The following BMPR1A variants were observed in gnomAD, a reference collection of about 807,000 sequenced individuals.
BMPR1A encodes the protein bone morphogenetic protein receptor type-1A.
A neutral mutation model predicts 66.0 loss-of-function variants in BMPR1A; 7 were observed. That is an observed-to-expected ratio of 0.11 (90% confidence interval 0.06 to 0.20). The LOEUF (loss-of-function observed/expected upper bound fraction) is 0.20. Among genes scored for constraint, BMPR1A ranks in the 10% least tolerant of loss-of-function variants. The probability of loss-of-function intolerance (pLI) is 1.00; values close to 1 mark genes in which losing one functional copy is unlikely to be tolerated. For synonymous variants in BMPR1A, 200 were observed against 229.7 expected, an observed-to-expected ratio of 0.87 and a Z score of 1.17; for missense variants, 408 against 669.1, an observed-to-expected ratio of 0.61 and a Z score of 4.31.
chr10:86,766,849 G>T (rs1449658491), intron 1 of BMPR1A, among the ~76,000 whole-genome samples: 1 of 145,392 alleles, frequency 6.9e-6, no homozygotes, highest in Non-Finnish European at 1.5e-5. Flanking sequence ...TTTGGAGACC[G>T]AGTCTTGCTC....
chr10:86,798,361 C>T (rs1023850393), intron 1 of BMPR1A, among the ~76,000 whole-genome samples: 1 of 152,068 alleles, frequency 6.6e-6, no homozygotes. Context: ...TTATCCTTTC[C>T]ACATTATTTG....
At chr10:86,869,372 G>T (rs867215502) in intron 2 of BMPR1A, among the ~76,000 whole-genome samples, 7 of 150,610 alleles carry the variant, frequency 4.6e-5, no homozygotes, top group Non-Finnish European at 2.9e-5. Flanking sequence ...CAGGAGAATT[G>T]CTTGAACCCA....
chr10:86,809,438 T>C (rs1461135308), intron 1 of BMPR1A, among the ~76,000 whole-genome samples: 1 of 151,836 alleles, frequency 6.6e-6, no homozygotes, highest in African/African-American at 2.4e-5. Context: ...TACAGGTGCG[T>C]GCCATCACAC....
chr10:86,874,935 G>A (rs1842901526), intron 2 of BMPR1A, among the ~76,000 whole-genome samples: 1 of 148,470 alleles, frequency 6.7e-6, no homozygotes. Context: ...ATGCTGGCCA[G>A]GCTGGTCTTG....
intron 11 of BMPR1A, 30 bp from the exon 12 acceptor site, chr10:86,923,346 T>C (rs371518604): frequency 7.4e-6 from 12 of 1,613,774 alleles, no homozygotes; most frequent in Non-Finnish European, 1.0e-5. Flanking sequence ...GCAACCATTT[T>C]TGTGCCCATG....
At chr10:86,913,506 G>A (rs1843521425) in intron 8 of BMPR1A, among the ~76,000 whole-genome samples, 1 of 151,910 alleles carries the variant, frequency 6.6e-6, no homozygotes, top group African/African-American at 2.4e-5. Flanking sequence ...GCCTTCATAG[G>A]CAGACAACAT....
At chr10:86,900,185 G>C in intron 7 of BMPR1A, 59 bp downstream of exon 7, 1 of 1,528,194 alleles carries the variant, frequency 6.5e-7, no homozygotes, top group Middle Eastern at 1.7e-4. Flanking sequence ...GTCAACCGCT[G>C]TTTGTAAAGC....
chr10:86,843,404 A>G (rs1189726011), intron 2 of BMPR1A: 1 of 152,224 alleles, frequency 6.6e-6, no homozygotes, highest in Non-Finnish European at 1.5e-5. Flanking sequence ...TTTATTCTAC[A>G]GGATATTACT....
chr10:86,770,594 C>T (rs1010427965), intron 1 of BMPR1A, among the ~76,000 whole-genome samples: 1 of 152,156 alleles, frequency 6.6e-6, no homozygotes, highest in African/African-American at 2.4e-5. Context: ...ACTGAGATAG[C>T]TACTCCAGTC....
chr10:86,911,046 T>A (rs936794158), intron 7 of BMPR1A, among the ~76,000 whole-genome samples: 1 of 151,592 alleles, frequency 6.6e-6, no homozygotes, highest in Non-Finnish European at 1.5e-5. Flanking sequence ...TCCCAGCCAC[T>A]TGGGAGGCTG....
chr10:86,808,429 C>T (rs554708557), intron 1 of BMPR1A, among the ~76,000 whole-genome samples: 1 of 152,212 alleles, frequency 6.6e-6, no homozygotes, highest in South Asian at 2.1e-4. Context: ...TTTTATTCCA[C>T]TTACTTTGGA....
chr10:86,906,297 ATTTAGAAGCGTGTGTGTGTGTTTCTT>A (rs893284098), intron 7 of BMPR1A, among the ~76,000 whole-genome samples: 13 of 151,542 alleles, frequency 8.6e-5, no homozygotes, highest in African/African-American at 3.1e-4. Context: ...GCTACAATAC[ATTTAGAAGCGTGTGTGTGTGTTTCTT>A]TTTTGGTATT....
intron 1 of BMPR1A, among the ~76,000 whole-genome samples, chr10:86,804,399 C>G (rs1318561545): frequency 6.6e-6 from 1 of 152,020 alleles, no homozygotes; most frequent in Non-Finnish European, 1.5e-5. Context: ...ACCACCACAC[C>G]CGGCTAATTT....
chr10:86,903,667 A>T (rs541989143), intron 7 of BMPR1A, among the ~76,000 whole-genome samples: 1 of 152,160 alleles, frequency 6.6e-6, no homozygotes, highest in African/African-American at 2.4e-5. Context: ...GCTGGAGTGC[A>T]GTGGCACGAT....
rs1842549787 is a variant in BMPR1A at position 86,850,288 on chromosome 10, TC to T, written c.-153+11311del. Among the ~76,000 whole-genome samples, 4 of 150,820 alleles carry T rather than the reference TC, an allele frequency of 2.7e-5. 2 individuals are homozygous for T. In the South Asian group the frequency reaches 8.4e-4, roughly 32 times the overall value. On this transcript the variant is annotated intron_variant, in intron 2 of 12. Transcript: ENST00000372037. ...GTGAGCTGAGATAGCGCCACCGCAC[TC>T]CAGCCTGGGTGACAGAGCGGACTCC...
chr10:86,790,476 A>G (rs1333254895), intron 1 of BMPR1A, among the ~76,000 whole-genome samples: 1 of 151,942 alleles, frequency 6.6e-6, no homozygotes, highest in African/African-American at 2.4e-5. Flanking sequence ...CATTAAAAAC[A>G]TGTTCACACA....
rs144550179 is a variant in BMPR1A, at chr10:86,774,207, A to C, written c.-268+17288A>C. ...TTCTAGGAGTTATTATCTTTTCTAA[A>C]AATAACATAACTTTTTTGGATTAAA... On this transcript the variant is annotated intron_variant, in intron 1 of 12. Transcript: ENST00000372037. Among the ~76,000 whole-genome samples, 583 of 152,294 alleles carry C rather than the reference A, an allele frequency of 3.8e-3. 4 individuals are homozygous for C. The highest frequency in any genetic ancestry group is 0.013 in the African/African-American group (550 of 41,558).
chr10:86,835,947 A>G (rs1047164782), intron 1 of BMPR1A, among the ~76,000 whole-genome samples: 15 of 152,246 alleles, frequency 9.9e-5, no homozygotes, highest in Non-Finnish European at 4.4e-5. Flanking sequence ...TATGAATGTT[A>G]GAATATATTT....
intron 1 of BMPR1A, among the ~76,000 whole-genome samples, chr10:86,826,270 A>G (rs985578146): frequency 6.6e-6 from 1 of 152,046 alleles, no homozygotes; most frequent in Non-Finnish European, 1.5e-5. Context: ...TGTGATCCCT[A>G]TTTAAATTTC....
Sources: allele counts gnomAD v4.1 joint callset (sites outside exome capture counted in the v4.1 genomes callset), GRCh38; gene constraint gnomAD v4.1.1; transcripts MANE v1.5; gene names NCBI Gene and HGNC (gene_info 2026-07-23, HGNC 2026-07-21).